FBN3: variants seen among roughly 807,000 people sequenced by gnomAD.
The protein encoded by FBN3 is fibrillin 3.
FBN3 carries 234 observed loss-of-function variants against 330.1 expected under a neutral mutation model. The ratio of observed to expected loss-of-function variants is 0.71; its 90% CI spans 0.64 to 0.79. The LOEUF (loss-of-function observed/expected upper bound fraction) is 0.79, where lower values mean the gene tolerates loss of function less well. Ranked by LOEUF, FBN3 falls within the 30% of genes least tolerant of loss-of-function variation. FBN3 has a pLI of 0.00. For missense variants in FBN3, 3,606 were observed against 3,886.9 expected (o/e 0.93, Z 1.92); for synonymous variants, 1,458 against 1,517.3 (o/e 0.96, Z 0.91).
chr19:8,124,030 C>T (rs777666828), intron 22 of FBN3, 22 bp from the exon 23 acceptor site: 31 of 1,573,740 alleles, frequency 2.0e-5, no homozygotes, highest in Non-Finnish European at 2.5e-5. Context: ...ACAGTCACTG[C>T]GTCCCCACCC....
In FBN3 at chr19:8,145,920, C is replaced by T. The variant is rs1397858023; in HGVS notation, c.368G>A (p.Ser123Asn). ...GVSRGSGCSV[S>N]CMNGGTCRGA... ...CCGGCAGGTGCCCCCATTCATACAG[C>T]TCACACTGCACCCTGACCCTGGGGA... Residue 123 changes from serine (S) to asparagine (N), a missense_variant, in exon 5 of 64, where the codon AGC (serine) becomes AAC (asparagine). By Grantham distance (46) the Ser-to-Asn change is conservative (BLOSUM62 1). Transcript: ENST00000600128. The T allele has an allele frequency of 6.4e-7, 1 of 1,551,202 alleles. No individual in the cohort carries two copies. The highest frequency in any genetic ancestry group is 1.4e-5 in the African/African-American group (1 of 73,030).
rs2082590902 is a variant in FBN3, at chr19:8,111,759, A to G, written c.3973T>C (p.Cys1325Arg). The G allele has an allele frequency of 6.2e-7, 1 of 1,612,658 alleles. No homozygotes were observed. The highest frequency in any genetic ancestry group is 8.5e-7 in the Non-Finnish European group (1 of 1,179,092). ...CTGCACCGGTGCTCCTGGGAGACGC[A>G]TTCATCCAGGTCTGCAGGAGATGGA... ...DGFECHDLDE[C>R]VSQEHRCSPR... The change falls in exon 32 of 64, where the codon TGC (cysteine) becomes CGC (arginine). Residue 1325 changes from cysteine (C) to arginine (R), a missense_variant. Coordinates refer to ENST00000600128, the MANE Select transcript of FBN3 (RefSeq NM_032447.5).
At chr19:8,112,305 C>CAG (rs2082607619) in intron 30 of FBN3, among the ~76,000 whole-genome samples, 1 of 152,070 alleles carries the variant, frequency 6.6e-6, no homozygotes, top group Non-Finnish European at 1.5e-5. Context: ...CAGCAGCCCT[C>CAG]AGAAATGGCC....
Position 8,096,715 on chromosome 19 carries a change from T to G in FBN3, c.5414-146A>C. ...GGGCGTCAGGCTGTCTGCATGGACC[T>G]GAGCTCTCACCTCTATCACATCCTA... On this transcript the variant is annotated intron_variant, in intron 43 of 63. Coordinates refer to ENST00000600128, the MANE Select transcript of FBN3 (RefSeq NM_032447.5). This position sits in a 1 kb window ranked among gnomAD's most constrained non-coding sequence, Gnocchi z 4.6. The G allele has an allele frequency of 7.6e-7, 1 of 1,316,682 alleles. No homozygotes were observed. Among genetic ancestry groups the G allele is most frequent in the Non-Finnish European group, 1.0e-6 (1 of 957,198 alleles). The allele number at this position is 1,316,682 out of a possible 1,614,324, so 81.6% of individuals were successfully genotyped here. A position where few individuals can be genotyped will look rare whatever the true frequency, so the allele number is the denominator to read the frequency against.
intron 37 of FBN3, among the ~76,000 whole-genome samples, chr19:8,107,273 A>G: frequency 8.2e-6 from 1 of 121,794 alleles, no homozygotes; most frequent in African/African-American, 3.2e-5. Flanking sequence ...ATAAATGGAC[A>G]GAAGGAGGGG....
chr19:8,125,998 G>C lies in FBN3; in HGVS notation c.2625C>G (p.Ser875=). Residue 875 remains serine (S), a synonymous_variant, in exon 22 of 64, where the codon TCC becomes TCG. Transcript: ENST00000600128. The part of the protein sequence containing the change: ...VTCDDVNECE[S]FPGVCPNGRC... ...GCCCGTTGGGACAGACTCCCGGGAA[G>C]GACTCACACTCGTTCACATCTGGGT... 1 of 1,613,934 alleles carries C rather than the reference G, an allele frequency of 6.2e-7. No individual in the cohort carries two copies. The highest frequency in any genetic ancestry group is 8.5e-7 in the Non-Finnish European group (1 of 1,179,990).
Position 8,117,159 on chromosome 19 carries a change from G to A in FBN3, c.3586+10C>T. 6.2e-7 allele frequency: 1 copy of A among 1,613,900 alleles called. No individual in the cohort carries two copies. Among genetic ancestry groups the A allele is most frequent in the Non-Finnish European group, 8.5e-7 (1 of 1,179,916 alleles). On this transcript the variant is annotated intron_variant, in intron 28 of 63. Coordinates refer to ENST00000600128, the MANE Select transcript of FBN3 (RefSeq NM_032447.5). ...ACACCAGGCAGTGGGAAGAAGTTGT[G>A]CCCACCTACCTGCACATGCCCTTCC...
Position 8,103,597 on chromosome 19 carries a change from T to G in FBN3, c.4904A>C (p.Glu1635Ala). The change falls in exon 39 of 64, where the codon GAG (glutamate) becomes GCG (alanine). Residue 1635 changes from glutamate (E) to alanine (A), a missense_variant. By Grantham distance (107) the Glu-to-Ala change is moderately radical (BLOSUM62 -1). Coordinates refer to ENST00000600128, the MANE Select transcript of FBN3 (RefSeq NM_032447.5). ...GTTGCCACCATTGACTTGGAGGTAC[T>G]CTGCAGGGCAGACACAGGTGTAGTT... is the stretch of plus-strand genomic sequence containing the variant. The part of the protein sequence containing the change: ...LGNYTCVCPA[E>A]YLQVNGGNNC... 1 of 1,613,784 alleles carries G rather than the reference T, an allele frequency of 6.2e-7. No individual in the cohort carries two copies. Among genetic ancestry groups the G allele is most frequent in the Non-Finnish European group, 8.5e-7 (1 of 1,179,802 alleles).
chr19:8,070,031 G>T (rs1432385597), intron 63 of FBN3, among the ~76,000 whole-genome samples: 1 of 152,134 alleles, frequency 6.6e-6, no homozygotes, highest in Non-Finnish European at 1.5e-5. Context: ...GAGTACCAAG[G>T]GGTACCAATA....
chr19:8,130,631 A>AGGAAGGAAGGAAGGAAGG (rs752885365), intron 16 of FBN3, among the ~76,000 whole-genome samples: 3 of 15,864 alleles, frequency 1.9e-4, no homozygotes, highest in East Asian at 2.5e-3. Context: ...AAAGAAAGAA[A>AGGAAGGAAGGAAGGAAGG]GAAAGAAAGA....
rs1004074375 is a variant in FBN3 at position 8,145,725 on chromosome 19, T to G, written c.445+118A>C. ...AGAGACTGTGGCAATAAACGTCCCC[T>G]GCAATCTCCAGTCCAGGAAGAAGGA... is the stretch of plus-strand genomic sequence containing the variant. On this transcript the variant is annotated intron_variant, in intron 5 of 63. Coordinates refer to ENST00000600128, the MANE Select transcript of FBN3 (RefSeq NM_032447.5). 15 of 611,394 alleles carry G rather than the reference T, an allele frequency of 2.5e-5. No individual in the cohort carries two copies. In the Admixed American group the frequency reaches 4.2e-4, roughly 17 times the overall value. The allele number at this position is 611,394 out of a possible 1,614,324, so 37.9% of individuals were successfully genotyped here. A position where few individuals can be genotyped will look rare whatever the true frequency, so the allele number is the denominator to read the frequency against.
At chr19:8,117,443 A>G (rs1157038142) in intron 27 of FBN3, 21 bp downstream of exon 27, 3 of 1,559,926 alleles carry the variant, frequency 1.9e-6, no homozygotes, top group Admixed American at 1.9e-5. Context: ...CCCAGGGGCC[A>G]GCAGGTGGGC....
chr19:8,137,607 GACTT>G (rs1350296111), intron 10 of FBN3, among the ~76,000 whole-genome samples: 1 of 97,510 alleles, frequency 1.0e-5, no homozygotes, highest in Non-Finnish European at 2.2e-5. Flanking sequence ...CCCGAACTCT[GACTT>G]ATTTATTTAT....
chr19:8,109,283 C>A lies in FBN3; in HGVS notation c.4562G>T (p.Cys1521Phe), dbSNP rs1229149820. 6.2e-7 allele frequency: 1 copy of A among 1,614,192 alleles called. No homozygotes were observed. Among genetic ancestry groups the A allele is most frequent in the Non-Finnish European group, 8.5e-7 (1 of 1,180,024 alleles). Residue 1521 changes from cysteine to phenylalanine, a missense_variant, in exon 36 of 64, where the codon TGC becomes TTC. By Grantham distance (205) the Cys-to-Phe change is radical. Transcript: ENST00000600128. This position sits in a 1 kb window ranked among gnomAD's most constrained non-coding sequence, Gnocchi z 5.2. ...GVGVTRASCC[C>F]SLGRAWGNPC... ...ATTGCCCCAAGCCCGGCCCAGGGAG[C>A]AACAGCAGGAAGCTCGGGTGACACC...
At chr19:8,147,280 G>A (rs371774732) in intron 2 of FBN3, 34 bp downstream of exon 2, 6 of 1,576,470 alleles carry the variant, frequency 3.8e-6, no homozygotes, top group African/African-American at 1.3e-5. Context: ...AATCCACACC[G>A]AAGGGGTCTC....
chr19:8,073,732 T>A (rs1253293320), intron 61 of FBN3, among the ~76,000 whole-genome samples: 2 of 152,138 alleles, frequency 1.3e-5, no homozygotes, highest in African/African-American at 2.4e-5. Context: ...CAGGCTGGAG[T>A]GCAGTGGTGC....
At chr19:8,135,936 G>GGCAC in intron 13 of FBN3, 25 bp downstream of exon 13, 2 of 668,778 alleles carry the variant, frequency 3.0e-6, no homozygotes, top group South Asian at 1.6e-5. Flanking sequence ...GGAAGCCCCT[G>GGCAC]CCCACCCGCC....
In FBN3 at chr19:8,095,970, A is replaced by C; in HGVS notation, c.5650T>G (p.Cys1884Gly). Residue 1884 changes from cysteine to glycine, a missense_variant, in exon 45 of 64, where the codon TGT becomes GGT. Coordinates refer to ENST00000600128, the MANE Select transcript of FBN3 (RefSeq NM_032447.5). ...GCCACCTGAGCCGACTCACCCACAC[A>C]ATCCCCATTGTGTGTCACCACAAAG... ...PGFVVTHNGD[C>G]VDFDECTTLV... 2 of 1,610,294 alleles carry C rather than the reference A, an allele frequency of 1.2e-6. No individual in the cohort carries two copies. Among genetic ancestry groups the C allele is most frequent in the Non-Finnish European group, 1.7e-6 (2 of 1,176,524 alleles).
intron 51 of FBN3, 81 bp from the exon 52 acceptor site, chr19:8,088,260 C>T: frequency 4.0e-6 from 6 of 1,497,258 alleles, no homozygotes; most frequent in Non-Finnish European, 5.4e-6. Flanking sequence ...GCCTGTTGAC[C>T]ACCACAGATC....
Sources: gnomAD v4.1 joint callset for allele counts (sites outside exome capture counted in the v4.1 genomes callset) on GRCh38, gnomAD v4.1.1 for gene constraint, Gnocchi (gnomAD v3.1) non-coding constraint, MANE v1.5 for transcripts, NCBI Gene and HGNC (gene_info 2026-07-23, HGNC 2026-07-21) for gene names.